CCDC81: variants seen among roughly 807,000 people sequenced by gnomAD.
CCDC81 encodes coiled-coil domain-containing protein 81.
Under a neutral mutation model 83.7 loss-of-function variants are expected in CCDC81, and 79 were observed. The ratio of observed to expected loss-of-function variants is 0.94; its 90% CI spans 0.79 to 1.14. The LOEUF (loss-of-function observed/expected upper bound fraction) is 1.14. Among genes scored for constraint, CCDC81 ranks in the 50% most tolerant of loss-of-function variants. The pLI is 0.00. For missense variants in CCDC81, 791 were observed against 778.1 expected (o/e 1.02, Z -0.20); for synonymous variants, 252 against 278.1 (o/e 0.91, Z 0.93).
At chr11:86,385,952 TCCA>T in intron 1 of CCDC81, 96 bp from the exon 2 acceptor site, 1 of 508,562 alleles carries the variant, frequency 2.0e-6, no homozygotes, top group Non-Finnish European at 3.6e-6. Context: ...GTCATTTGCT[TCCA>T]CATTTCATAT....
chr11:86,414,660 A>G (rs1309607483), intron 11 of CCDC81, 129 bp from the exon 12 acceptor site: 1 of 629,646 alleles, frequency 1.6e-6, no homozygotes. Flanking sequence ...TACCAGAATA[A>G]AACATCAATT....
At chr11:86,383,355 G>A (rs781023263) in intron 1 of CCDC81, among the ~76,000 whole-genome samples, 11 of 152,138 alleles carry the variant, frequency 7.2e-5, no homozygotes, top group Non-Finnish European at 1.2e-4. Flanking sequence ...TATAACATCA[G>A]GAAACATATC....
intron 1 of CCDC81, among the ~76,000 whole-genome samples, chr11:86,378,491 T>C (rs1351578360): frequency 6.6e-6 from 1 of 152,208 alleles, no homozygotes; most frequent in Non-Finnish European, 1.5e-5. Flanking sequence ...ATCCATTTGA[T>C]TGATGGTGCT....
At chr11:86,397,795 A>G (rs760307703) in intron 6 of CCDC81, 53 bp downstream of exon 6, 54 of 1,570,482 alleles carry the variant, frequency 3.4e-5, no homozygotes, top group Non-Finnish European at 4.6e-5. Flanking sequence ...CTATGAGCCC[A>G]GCCATATTGC....
At position 86,376,566 on chromosome 11, in the gene CCDC81, C is replaced by G. The variant is rs182038153; in HGVS notation, c.79+1324C>G. On this transcript the variant is annotated intron_variant, in intron 1 of 14. Transcript: ENST00000445632. ...GATCTTGTGAGAAATCCCTCACCAT[C>G]ATGAGAACAGCATGGGGGAAACTGC... Among the ~76,000 whole-genome samples the G allele has an allele frequency of 7.9e-4, 121 of 152,328 alleles. 1 individual carries two copies. The highest frequency in any genetic ancestry group is 2.8e-3 in the African/African-American group (117 of 41,578).
chr11:86,386,795 A>C (rs1161640514), intron 2 of CCDC81, among the ~76,000 whole-genome samples: 1 of 152,182 alleles, frequency 6.6e-6, no homozygotes, highest in Non-Finnish European at 1.5e-5. Flanking sequence ...CCTCCCTTTC[A>C]TTGAAAAATC....
intron 6 of CCDC81, among the ~76,000 whole-genome samples, chr11:86,398,130 C>T (rs146574742): frequency 8.2e-4 from 125 of 152,272 alleles, no homozygotes; most frequent in African/African-American, 2.9e-3. Flanking sequence ...CCACCGCACC[C>T]AGCCACAAAT....
At position 86,375,157 on chromosome 11, in the gene CCDC81, A is replaced by G. The variant is rs373083109; in HGVS notation, c.-7A>G. On this transcript the variant is annotated 5_prime_UTR_variant, in exon 1 of 15. Coordinates refer to ENST00000445632, the MANE Select transcript of CCDC81 (RefSeq NM_001156474.2). ...ACATTCAGTACGGAGTCACCTGGAA[A>G]TTGGAGATGTTGGATACGATCGCCC... 1.9e-6 allele frequency: 3 copies of G among 1,613,026 alleles called. No homozygotes were observed. The highest frequency in any genetic ancestry group is 2.5e-6 in the Non-Finnish European group (3 of 1,179,382).
chr11:86,396,474 A>G (rs972838059), intron 5 of CCDC81, among the ~76,000 whole-genome samples: 4 of 152,162 alleles, frequency 2.6e-5, no homozygotes, highest in Admixed American at 2.6e-4. Context: ...GGGAATAACA[A>G]CTAGCTTCCT....
intron 1 of CCDC81, among the ~76,000 whole-genome samples, chr11:86,380,429 A>T (rs936154048): frequency 2.6e-5 from 4 of 151,960 alleles, no homozygotes; most frequent in Non-Finnish European, 4.4e-5. Context: ...ATTCCTAGGT[A>T]TCTTTTTTTG....
chr11:86,415,785 C>T (rs1948711139), intron 13 of CCDC81, among the ~76,000 whole-genome samples: 1 of 152,128 alleles, frequency 6.6e-6, no homozygotes, highest in African/African-American at 2.4e-5. Context: ...GCAGTTCTCC[C>T]ACCTCAGCCT....
chr11:86,392,775 C>A lies in CCDC81; in HGVS notation c.533C>A (p.Ala178Asp). 6.4e-7 allele frequency: 1 copy of A among 1,551,330 alleles called. No individual in the cohort carries two copies. Residue 178 changes from alanine (A) to aspartate (D), a missense_variant, in exon 4 of 15, where the codon GCT becomes GAT. Coordinates refer to ENST00000445632, the MANE Select transcript of CCDC81 (RefSeq NM_001156474.2). ...CTTTGTACCATGGATGGAAGTGGGG[C>A]TTTGGCAAAGGCCCTAGCAAATGTA... ...DFLCTMDGSG[A>D]LAKALANRPG...
intron 5 of CCDC81, among the ~76,000 whole-genome samples, chr11:86,396,882 G>A (rs1948416999): frequency 6.6e-6 from 1 of 152,200 alleles, no homozygotes; most frequent in African/African-American, 2.4e-5. Context: ...GGCACTCCAG[G>A]AGGGAAATAA....
chr11:86,419,988 G>A lies in CCDC81; in HGVS notation c.1752G>A (p.Gln584=). Residue 584 remains glutamine, a synonymous_variant, in exon 14 of 15, where the codon CAG becomes CAA. Transcript: ENST00000445632. ...TAAATAGAGTCAACCAATGCTTACA[G>A]GAGGACTGGGAAAGGAGTGCTGCGA... ...ERVNRVNQCL[Q]EDWERSAAMK... The A allele has an allele frequency of 1.2e-6, 2 of 1,614,006 alleles. No homozygotes were observed. The highest frequency in any genetic ancestry group is 1.7e-6 in the Non-Finnish European group (2 of 1,179,954).
intron 9 of CCDC81, 23 bp from the exon 10 acceptor site, chr11:86,409,238 C>A: frequency 1.1e-6 from 1 of 937,930 alleles, no homozygotes; most frequent in Non-Finnish European, 1.5e-6. Context: ...TAAAAATAAA[C>A]TTTTTTTTTT....
intron 1 of CCDC81, among the ~76,000 whole-genome samples, chr11:86,375,759 T>C (rs56293527): frequency 2.0e-5 from 3 of 152,304 alleles, no homozygotes; most frequent in African/African-American, 7.2e-5. Flanking sequence ...GCTTGGTTAG[T>C]AGCAAGACAA....
At chr11:86,382,524 T>A (rs1279549991) in intron 1 of CCDC81, among the ~76,000 whole-genome samples, 1 of 152,034 alleles carries the variant, frequency 6.6e-6, no homozygotes, top group East Asian at 1.9e-4. Flanking sequence ...GAAGAAAGAT[T>A]GCGGTTTTGG....
At chr11:86,376,794 T>C (rs1948104557) in intron 1 of CCDC81, among the ~76,000 whole-genome samples, 1 of 152,222 alleles carries the variant, frequency 6.6e-6, no homozygotes. Context: ...TGAACCTACA[T>C]TGACACATCA....
At chr11:86,414,921 C>T in intron 12 of CCDC81, 54 bp downstream of exon 12, 1 of 1,464,980 alleles carries the variant, frequency 6.8e-7, no homozygotes, top group Non-Finnish European at 9.4e-7. Flanking sequence ...TCAATAACAT[C>T]CTAAAATATG....
Sources: allele counts gnomAD v4.1 joint callset (sites outside exome capture counted in the v4.1 genomes callset), GRCh38; gene constraint gnomAD v4.1.1; transcripts MANE v1.5; gene names NCBI Gene and HGNC (gene_info 2026-07-23, HGNC 2026-07-21).